NOL4L: variants seen among roughly 807,000 people sequenced by gnomAD.
NOL4L encodes the protein nucleolar protein 4-like.
A neutral mutation model predicts 64.5 loss-of-function variants in NOL4L; 7 were observed. The ratio of observed to expected loss-of-function variants is 0.11; its 90% CI spans 0.06 to 0.20. The LOEUF (loss-of-function observed/expected upper bound fraction) is 0.20, where lower values mean the gene tolerates loss of function less well. Among genes scored for constraint, NOL4L ranks in the 10% least tolerant of loss-of-function variants. The probability of loss-of-function intolerance (pLI) is 1.00; values close to 1 mark genes in which losing one functional copy is unlikely to be tolerated. For missense variants in NOL4L, 680 were observed against 967.1 expected (o/e 0.70, Z 3.94); for synonymous variants, 413 against 401.0 (o/e 1.03, Z -0.36).
chr20:32,465,761 C>T (rs991236884), intron 5 of NOL4L, among the ~76,000 whole-genome samples: 5 of 152,338 alleles, frequency 3.3e-5, no homozygotes, highest in Non-Finnish European at 4.4e-5. Flanking sequence ...GTCCTTAGGT[C>T]GGAGTGATGA....
chr20:32,488,795 CTTTCTTTCTTTTTCTTTCTTTCTTTCTTT>C (rs2016252513), intron 4 of NOL4L, among the ~76,000 whole-genome samples: 2 of 47,078 alleles, frequency 4.2e-5, no homozygotes, highest in Non-Finnish European at 7.0e-5. Context: ...TCCTTCCTTT[CTTTCTTTCTTTTTCTTTCTTTCTTTCTTT>C]CTTTTTCTTT....
At chr20:32,527,611 C>T (rs1195127477) in intron 2 of NOL4L, 147 bp downstream of exon 2, 24 of 906,422 alleles carry the variant, frequency 2.6e-5, no homozygotes, top group Non-Finnish European at 3.7e-5. Context: ...CTGCCGTGCC[C>T]TTGCCCTGTG....
In NOL4L at chr20:32,514,632, A is replaced by G. The variant is rs117877402; in HGVS notation, c.590-3176T>C. Among the ~76,000 whole-genome samples the G allele has an allele frequency of 2.0e-4, 31 of 152,094 alleles. No homozygotes were observed. In the East Asian group the frequency reaches 3.9e-3, roughly 19 times the overall value. ...ATCCTCTGCACCGATACCAAACTCA[A>G]ATGGGTTTCCACCCCACCGTCAACC... is the stretch of plus-strand genomic sequence containing the variant. On this transcript the variant is annotated intron_variant, in intron 3 of 10. Transcript: ENST00000621426.
rs1378514887 is a variant in NOL4L, at chr20:32,443,688, A to G, written c.*3908T>C. On this transcript the variant is annotated 3_prime_UTR_variant, in exon 11 of 11. Transcript: ENST00000621426. ...CATGTCTAAATTATGCCAGAGGACT[A>G]AAGACCTCTTGGGTTGTCCCTAAAT... 1.3e-5 allele frequency: 2 copies of G among 152,244 alleles called. No homozygotes were observed. The highest frequency in any genetic ancestry group is 4.8e-5 in the African/African-American group (2 of 41,454). 9.4% of individuals were successfully genotyped at this position (152,244 alleles called of 1,614,324 possible).
At chr20:32,480,510 C>G (rs554168736) in intron 4 of NOL4L, among the ~76,000 whole-genome samples, 1 of 152,152 alleles carries the variant, frequency 6.6e-6, no homozygotes, top group African/African-American at 2.4e-5. Flanking sequence ...TATCCCAAAG[C>G]GGAGTCTCTT....
chr20:32,474,043 G>A (rs2015213828), intron 5 of NOL4L, among the ~76,000 whole-genome samples: 1 of 152,212 alleles, frequency 6.6e-6, no homozygotes, highest in African/African-American at 2.4e-5. Context: ...AGGGAGGCTG[G>A]AGTAGGCTGC....
chr20:32,556,199 C>T (rs1978642427), intron 1 of NOL4L, among the ~76,000 whole-genome samples: 1 of 152,150 alleles, frequency 6.6e-6, no homozygotes, highest in African/African-American at 2.4e-5. Context: ...TCTCTATTCC[C>T]CGACCAAAAC....
chr20:32,510,555 A>C (rs2017352796), intron 4 of NOL4L: 1 of 156,950 alleles, frequency 6.4e-6, no homozygotes, highest in Non-Finnish European at 1.4e-5. Flanking sequence ...TGGAAGACAG[A>C]CTCGAGTTCT....
intron 1 of NOL4L, among the ~76,000 whole-genome samples, chr20:32,575,526 G>A (rs1055714761): frequency 5.9e-5 from 9 of 152,158 alleles, no homozygotes; most frequent in Admixed American, 2.0e-4. Flanking sequence ...GTGGGTCTGC[G>A]CCCTGGGGCT....
intron 1 of NOL4L, among the ~76,000 whole-genome samples, chr20:32,577,271 C>G (rs532369310): frequency 6.6e-6 from 1 of 152,284 alleles, no homozygotes; most frequent in African/African-American, 2.4e-5. Flanking sequence ...GCCAGGGGGC[C>G]GGGCGGGGGT....
chr20:32,467,914 C>T (rs561206089), intron 5 of NOL4L, among the ~76,000 whole-genome samples: 3 of 152,174 alleles, frequency 2.0e-5, no homozygotes, highest in South Asian at 2.1e-4. Flanking sequence ...CTGTAAATAC[C>T]GAGCCCTGGG....
intron 1 of NOL4L, among the ~76,000 whole-genome samples, chr20:32,531,775 GT>G (rs1336653511): frequency 6.6e-6 from 1 of 152,188 alleles, no homozygotes; most frequent in Non-Finnish European, 1.5e-5. Flanking sequence ...CTTGGTTAAT[GT>G]TCATCTCTTC....
At chr20:32,508,763 C>G (rs1272050773) in intron 4 of NOL4L, among the ~76,000 whole-genome samples, 1 of 152,232 alleles carries the variant, frequency 6.6e-6, no homozygotes, top group Non-Finnish European at 1.5e-5. Context: ...GTCCTTTCTT[C>G]CTTTGGGAGC....
intron 1 of NOL4L, among the ~76,000 whole-genome samples, chr20:32,550,549 C>G (rs952938788): frequency 3.3e-5 from 5 of 152,068 alleles, no homozygotes; most frequent in African/African-American, 1.2e-4. Context: ...AGTTCAAGAC[C>G]AGCCTGGTCA....
Position 32,577,989 on chromosome 20 carries a change from T to C in NOL4L, c.321+6581A>G, listed in dbSNP as rs565210635. On this transcript the variant is annotated intron_variant, in intron 1 of 10. Coordinates refer to ENST00000621426, the MANE Select transcript of NOL4L (RefSeq NM_001256798.2). ...GGCCCTACGTGCATGAAAGCATTAA[T>C]TTCCACATCACTCCTAGAAGAGGAA... Among the ~76,000 whole-genome samples, 69 of 152,214 alleles carry C rather than the reference T, an allele frequency of 4.5e-4. 1 individual carries two copies. Among genetic ancestry groups the C allele is most frequent in the African/African-American group, 1.6e-3 (68 of 41,514 alleles).
chr20:32,465,588 G>T (rs939371789), intron 5 of NOL4L, among the ~76,000 whole-genome samples: 1 of 152,204 alleles, frequency 6.6e-6, no homozygotes, highest in Non-Finnish European at 1.5e-5. Context: ...AGTGTGCAAA[G>T]ATCGAGCCGA....
intron 4 of NOL4L, among the ~76,000 whole-genome samples, chr20:32,485,088 C>CAAAAAAAAAAAAAAAAAAAAAAAA (rs1355588607): frequency 1.9e-5 from 1 of 53,432 alleles, no homozygotes; most frequent in Non-Finnish European, 3.6e-5. Context: ...AAAAAAAAAA[C>CAAAAAAAAAAAAAAAAAAAAAAAA]AACTAAAAAA....
At chr20:32,491,859 T>C (rs963507764) in intron 4 of NOL4L, among the ~76,000 whole-genome samples, 1 of 152,166 alleles carries the variant, frequency 6.6e-6, no homozygotes, top group Non-Finnish European at 1.5e-5. Flanking sequence ...CTCACACCCA[T>C]AATCCCAGCA....
chr20:32,576,990 T>A (rs1980156319), intron 1 of NOL4L, among the ~76,000 whole-genome samples: 1 of 152,188 alleles, frequency 6.6e-6, no homozygotes, highest in African/African-American at 2.4e-5. Flanking sequence ...CTCCAGGCTC[T>A]GGGGTTTGGA....
Sources: gnomAD v4.1 joint callset for allele counts (sites outside exome capture counted in the v4.1 genomes callset) on GRCh38, gnomAD v4.1.1 for gene constraint, MANE v1.5 for transcripts, NCBI Gene and HGNC (gene_info 2026-07-23, HGNC 2026-07-21) for gene names.